ROCK1: variants seen among roughly 807,000 people sequenced by gnomAD.
The protein encoded by ROCK1 is rho-associated protein kinase 1.
A neutral mutation model predicts 196.8 loss-of-function variants in ROCK1; 36 were observed. The ratio of observed to expected loss-of-function variants is 0.18; its 90% CI spans 0.14 to 0.24. The LOEUF (loss-of-function observed/expected upper bound fraction) is 0.24, where lower values mean the gene tolerates loss of function less well. Among genes scored for constraint, ROCK1 ranks in the 10% least tolerant of loss-of-function variants. The pLI, the probability that ROCK1 is intolerant of heterozygous loss-of-function variation, is 1.00. For synonymous variants in ROCK1, 443 were observed against 515.9 expected (o/e 0.86, Z 1.91); for missense variants, 920 against 1,562.0 (o/e 0.59, Z 6.93).
At chr18:21,081,216 A>G (rs1207370539) in intron 1 of ROCK1, among the ~76,000 whole-genome samples, 7 of 152,196 alleles carry the variant, frequency 4.6e-5, no homozygotes. Context: ...AATAGGGGAA[A>G]ACTGGAAAAT....
chr18:21,016,188 A>AG (rs2035861804), intron 12 of ROCK1, among the ~76,000 whole-genome samples: 1 of 152,214 alleles, frequency 6.6e-6, no homozygotes, highest in Admixed American at 6.5e-5. Flanking sequence ...TATTGGTAAT[A>AG]AAAATTAACA....
chr18:21,058,976 C>T (rs866227540), intron 2 of ROCK1, among the ~76,000 whole-genome samples: 21 of 152,230 alleles, frequency 1.4e-4, no homozygotes, highest in Middle Eastern at 3.4e-3. Context: ...CACATAGGCA[C>T]GCATCCACCC....
At chr18:21,064,725 C>T (rs2036319569) in intron 2 of ROCK1, among the ~76,000 whole-genome samples, 1 of 152,130 alleles carries the variant, frequency 6.6e-6, no homozygotes, top group Non-Finnish European at 1.5e-5. Flanking sequence ...GTATTTATCC[C>T]TGGATATGTA....
chr18:21,110,985 T>C lies in ROCK1; in HGVS notation c.-75A>G, dbSNP rs1432231591. The stretch of plus-strand genomic sequence containing the variant: ...CAATTTCAACCAACTTCCTCCGCGG[T>C]GGGTTCGCAGCCGCGGGGCGGAGGA... On this transcript the variant is annotated 5_prime_UTR_variant, in exon 1 of 33. Transcript: ENST00000399799. 3.2e-6 allele frequency: 4 copies of C among 1,252,672 alleles called. No individual in the cohort carries two copies. The African/African-American group carries it at 5.9e-5, about 18-fold the overall frequency. The allele number at this position is 1,252,672 out of a possible 1,614,324, so 77.6% of individuals were successfully genotyped here.
At chr18:20,974,550 T>C (rs2035461204) in intron 22 of ROCK1, among the ~76,000 whole-genome samples, 1 of 152,202 alleles carries the variant, frequency 6.6e-6, no homozygotes, top group Non-Finnish European at 1.5e-5. Flanking sequence ...AATTAGATGG[T>C]TCAGGGTAAA....
intron 22 of ROCK1, among the ~76,000 whole-genome samples, chr18:20,972,992 GC>G (rs1250825668): frequency 6.6e-6 from 1 of 152,160 alleles, no homozygotes; most frequent in Non-Finnish European, 1.5e-5. Flanking sequence ...CAATTCCCCT[GC>G]CTCAGCCTCC....
chr18:21,075,097 T>C (rs2036418341), intron 1 of ROCK1, among the ~76,000 whole-genome samples: 1 of 152,182 alleles, frequency 6.6e-6, no homozygotes, highest in Non-Finnish European at 1.5e-5. Flanking sequence ...TTCTGATAAT[T>C]TGGAACCACA....
chr18:20,958,922 T>TAA, intron 29 of ROCK1, among the ~76,000 whole-genome samples: 1 of 81,346 alleles, frequency 1.2e-5, no homozygotes, highest in East Asian at 3.1e-4. Context: ...TTATATATTT[T>TAA]ATATATATAT....
intron 2 of ROCK1, among the ~76,000 whole-genome samples, chr18:21,058,877 C>T (rs958199274): frequency 6.6e-6 from 1 of 152,164 alleles, no homozygotes; most frequent in African/African-American, 2.4e-5. Context: ...CTGCAACCAG[C>T]ACTGTTTTAA....
Position 21,015,498 on chromosome 18 carries a change from TAC to T in ROCK1, c.1362-21_1362-20del. The T allele has an allele frequency of 1.4e-6, 2 of 1,468,050 alleles. No individual in the cohort carries two copies. The highest frequency in any genetic ancestry group is 9.5e-7 in the Non-Finnish European group (1 of 1,053,798). 90.9% of individuals were successfully genotyped at this position (1,468,050 alleles called of 1,614,324 possible). A position where few individuals can be genotyped will look rare whatever the true frequency, so the allele number is the denominator to read the frequency against. On this transcript the variant is annotated intron_variant, in intron 12 of 32. Coordinates refer to ENST00000399799, the MANE Select transcript of ROCK1 (RefSeq NM_005406.3). ...TGAGGTTCTGTAAAAACAAAAGCAA[TAC>T]AGATTAGAAATATACGTATTTCTTA...
chr18:21,046,980 G>A (rs1286612795), intron 4 of ROCK1, among the ~76,000 whole-genome samples: 2 of 151,984 alleles, frequency 1.3e-5, no homozygotes, highest in African/African-American at 2.4e-5. Flanking sequence ...CCCAGACTCA[G>A]TTATTTTAAT....
At chr18:21,022,342 C>T (rs1345229650) in intron 11 of ROCK1, among the ~76,000 whole-genome samples, 1 of 152,114 alleles carries the variant, frequency 6.6e-6, no homozygotes, top group Non-Finnish European at 1.5e-5. Context: ...ACAGAAAGAA[C>T]TCAACTAAAA....
At chr18:21,101,618 T>C (rs1466367332) in intron 1 of ROCK1, among the ~76,000 whole-genome samples, 1 of 152,182 alleles carries the variant, frequency 6.6e-6, no homozygotes, top group African/African-American at 2.4e-5. Context: ...TCCTTCAACA[T>C]GCAGGGGAAG....
intron 1 of ROCK1, among the ~76,000 whole-genome samples, chr18:21,090,374 A>C (rs145325881): frequency 3.9e-4 from 60 of 152,278 alleles, no homozygotes; most frequent in African/African-American, 1.4e-3. Context: ...GAGGTGGGAG[A>C]ATCACTTAAG....
chr18:21,039,436 T>C, intron 9 of ROCK1, 36 bp downstream of exon 9: 1 of 1,448,046 alleles, frequency 6.9e-7, no homozygotes, highest in Non-Finnish European at 9.6e-7. Flanking sequence ...TACTTTCAAA[T>C]ATTCACTAAA....
intron 1 of ROCK1, among the ~76,000 whole-genome samples, chr18:21,092,132 T>A (rs977172525): frequency 6.6e-6 from 1 of 152,180 alleles, no homozygotes; most frequent in Admixed American, 6.5e-5. Flanking sequence ...CACATTAAAA[T>A]AATGTCTTCA....
intron 20 of ROCK1, among the ~76,000 whole-genome samples, chr18:20,983,415 T>C (rs1019114276): frequency 1.2e-4 from 18 of 151,584 alleles, no homozygotes; most frequent in African/African-American, 3.6e-4. Context: ...ATGTATATAA[T>C]ACATACATAA....
At position 20,968,847 on chromosome 18, in the gene ROCK1, C is replaced by T. The variant is rs1380859673; in HGVS notation, c.2928G>A (p.Glu976=). ...TAAGATTACTGATCTCCTCCTCCTT[C>T]TCCAGTTTATATTCTGTCAACAAAT... ...MKKAEEEYKL[E]KEEEISNLKA... The change falls in exon 25 of 33, where the codon GAG becomes GAA. Residue 976 remains glutamate, a synonymous_variant. Coordinates refer to ENST00000399799, the MANE Select transcript of ROCK1 (RefSeq NM_005406.3). The T allele has an allele frequency of 6.3e-7, 1 of 1,598,126 alleles. No homozygotes were observed. The highest frequency in any genetic ancestry group is 2.2e-5 in the East Asian group (1 of 44,796).
chr18:21,040,564 A>C (rs2036096708), intron 8 of ROCK1, among the ~76,000 whole-genome samples: 1 of 152,214 alleles, frequency 6.6e-6, no homozygotes, highest in African/African-American at 2.4e-5. Flanking sequence ...GTTTTTGCAT[A>C]AGCTAAAAGA....
Sources: gnomAD v4.1 joint callset for allele counts (sites outside exome capture counted in the v4.1 genomes callset) on GRCh38, gnomAD v4.1.1 for gene constraint, MANE v1.5 for transcripts, NCBI Gene and HGNC (gene_info 2026-07-23, HGNC 2026-07-21) for gene names.